Variants in MED30 observed in about 807,000 individuals in gnomAD.
The protein encoded by MED30 is mediator of RNA polymerase II transcription subunit 30.
In MED30, 8 loss-of-function variants were observed where a neutral mutation model predicts 21.7. The ratio of observed to expected loss-of-function variants is 0.37; its 90% CI spans 0.22 to 0.67. MED30 has a LOEUF of 0.67. MED30 is among the 30% of genes least tolerant of loss of function. The pLI is 0.58. For missense variants in MED30, 203 were observed against 228.2 expected (o/e 0.89, Z 0.71); for synonymous variants, 79 against 86.7 (o/e 0.91, Z 0.49).
intron 1 of MED30, 149 bp from the exon 2 acceptor site, chr8:117,528,502 A>G (rs1818751573): frequency 1.8e-6 from 1 of 544,448 alleles, no homozygotes; most frequent in Non-Finnish European, 3.0e-6. Context: ...TTGCTCTTAA[A>G]TTCTTAAAAT....
intron 3 of MED30, among the ~76,000 whole-genome samples, chr8:117,532,663 T>G (rs1818807119): frequency 2.0e-5 from 3 of 152,048 alleles, no homozygotes; most frequent in Admixed American, 1.3e-4. Flanking sequence ...TTAAGTATTT[T>G]AAAACTCGGA....
intron 3 of MED30, among the ~76,000 whole-genome samples, chr8:117,538,194 T>C (rs1316422589): frequency 2.0e-5 from 3 of 152,202 alleles, no homozygotes; most frequent in African/African-American, 7.2e-5. Flanking sequence ...ATCTGAAAAC[T>C]TGTGCAAGGG....
At chr8:117,532,239 A>G (rs1028324681) in intron 3 of MED30, among the ~76,000 whole-genome samples, 2 of 152,012 alleles carry the variant, frequency 1.3e-5, no homozygotes, top group African/African-American at 4.8e-5. Flanking sequence ...TGCAAAAACA[A>G]TAGGATTTTA....
At chr8:117,533,370 A>T (rs1818818742) in intron 3 of MED30, among the ~76,000 whole-genome samples, 1 of 152,122 alleles carries the variant, frequency 6.6e-6, no homozygotes, top group Non-Finnish European at 1.5e-5. Context: ...TGAAACAAGG[A>T]TATGATGTAT....
intron 3 of MED30, among the ~76,000 whole-genome samples, chr8:117,537,783 A>G (rs1818906627): frequency 6.6e-6 from 1 of 151,988 alleles, no homozygotes; most frequent in African/African-American, 2.4e-5. Context: ...CTGATTATAA[A>G]GTCTGTTTTT....
intron 1 of MED30, among the ~76,000 whole-genome samples, chr8:117,525,021 C>T (rs1818697845): frequency 6.6e-6 from 1 of 152,154 alleles, no homozygotes; most frequent in South Asian, 2.1e-4. Context: ...TCATCTTTCC[C>T]TGTTAGGCTG....
At chr8:117,539,484 C>T (rs558689642) in intron 3 of MED30, among the ~76,000 whole-genome samples, 11 of 151,876 alleles carry the variant, frequency 7.2e-5, no homozygotes, top group African/African-American at 2.7e-4. Flanking sequence ...AAAAAAAATT[C>T]GTAGTGAAGG....
intron 1 of MED30, chr8:117,524,013 A>G (rs1563788201): frequency 5.2e-6 from 1 of 190,596 alleles, no homozygotes; most frequent in South Asian, 1.1e-4. Flanking sequence ...TGTCTCAAGA[A>G]AAAGGAGTTC....
At chr8:117,535,239 CTT>C (rs957435711) in intron 3 of MED30, among the ~76,000 whole-genome samples, 155 of 125,728 alleles carry the variant, frequency 1.2e-3, no homozygotes, top group African/African-American at 4.3e-3. Context: ...TCCATTGATA[CTT>C]TTTTTTTTTT....
chr8:117,520,881 C>T lies in MED30; in HGVS notation c.5C>T (p.Ser2Phe), dbSNP rs930765775. The T allele has an allele frequency of 7.5e-6, 12 of 1,595,544 alleles. No homozygotes were observed. Among genetic ancestry groups the T allele is most frequent in the Non-Finnish European group, 1.0e-5 (12 of 1,171,562 alleles). M[S>F]TPPLAASGMA... The stretch of plus-strand genomic sequence containing the variant: ...GCCTGAAGCTGCAGCCGCGCCATGT[C>T]CACCCCTCCGTTGGCCGCGTCGGGG... The change falls in exon 1 of 4, where the codon TCC (serine) becomes TTC (phenylalanine). Residue 2 changes from serine (S) to phenylalanine (F), a missense_variant. Ser to Phe is a radical substitution (Grantham distance 155, BLOSUM62 -2). Transcript: ENST00000297347.
At chr8:117,532,670 C>T (rs1043907507) in intron 3 of MED30, among the ~76,000 whole-genome samples, 4 of 151,656 alleles carry the variant, frequency 2.6e-5, no homozygotes, top group Admixed American at 2.0e-4. Context: ...TTTTAAAACT[C>T]GGAAGAAAGG....
chr8:117,529,090 T>C (rs1818761193), intron 2 of MED30, among the ~76,000 whole-genome samples: 1 of 151,910 alleles, frequency 6.6e-6, no homozygotes, highest in Non-Finnish European at 1.5e-5. Flanking sequence ...GCTGTCAGTG[T>C]CTCCTTTTAA....
At chr8:117,535,077 C>T (rs1234497746) in intron 3 of MED30, among the ~76,000 whole-genome samples, 1 of 151,888 alleles carries the variant, frequency 6.6e-6, no homozygotes, top group Non-Finnish European at 1.5e-5. Flanking sequence ...TCTACAGCCT[C>T]TCTCTCCTGG....
At chr8:117,535,031 G>GTA (rs1473948389) in intron 3 of MED30, among the ~76,000 whole-genome samples, 1 of 151,868 alleles carries the variant, frequency 6.6e-6, no homozygotes, top group African/African-American at 2.4e-5. Context: ...AGGATATGAT[G>GTA]TATAAAAGGA....
At chr8:117,523,589 C>T (rs1005783617) in intron 1 of MED30, 5 of 1,602,054 alleles carry the variant, frequency 3.1e-6, no homozygotes, top group Non-Finnish European at 4.3e-6. Flanking sequence ...TGTTCCTTCA[C>T]GTAGCCTCAG....
At chr8:117,521,383 A>G (rs1204936283) in intron 1 of MED30, among the ~76,000 whole-genome samples, 1 of 152,042 alleles carries the variant, frequency 6.6e-6, no homozygotes, top group East Asian at 1.9e-4. Flanking sequence ...TTTTTCCAGC[A>G]TTTCTTCTGG....
intron 3 of MED30, among the ~76,000 whole-genome samples, chr8:117,531,693 G>GA (rs1818794278): frequency 6.7e-6 from 1 of 148,400 alleles, no homozygotes; most frequent in Non-Finnish European, 1.5e-5. Flanking sequence ...AAGACAGTGT[G>GA]TTTTTTTTTT....
chr8:117,531,027 A>G (rs139350868), intron 3 of MED30, among the ~76,000 whole-genome samples, 200 bp downstream of exon 3: 3 of 152,188 alleles, frequency 2.0e-5, no homozygotes, highest in African/African-American at 7.2e-5. Context: ...AGAAATTGCA[A>G]AATTCATTCG....
chr8:117,539,788 G>GT, intron 3 of MED30, 95 bp from the exon 4 acceptor site: 1 of 736,332 alleles, frequency 1.4e-6, no homozygotes, highest in South Asian at 1.6e-5. Flanking sequence ...ATTTCTGTCT[G>GT]TATCATTATA....
Sources: gnomAD v4.1 joint callset for allele counts (sites outside exome capture counted in the v4.1 genomes callset) on GRCh38, gnomAD v4.1.1 for gene constraint, MANE v1.5 for transcripts, NCBI Gene and HGNC (gene_info 2026-07-23, HGNC 2026-07-21) for gene names.